Variants in NPIPB15 observed in about 807,000 individuals in gnomAD.
NPIPB15 encodes nuclear pore complex-interacting protein family member B15.
NPIPB15 carries 5 observed loss-of-function variants against 35.9 expected under a neutral mutation model. The observed-to-expected ratio is 0.14, with a 90% CI of 0.07 to 0.29. The LOEUF is 0.29. NPIPB15 is among the 10% of genes least tolerant of loss of function. The pLI is 1.00. For missense variants in NPIPB15, 100 were observed against 506.1 expected (o/e 0.20, Z 7.70); for synonymous variants, 43 against 182.0 (o/e 0.24, Z 6.15).
At position 74,376,922 on chromosome 16, in the gene NPIPB15, C is replaced by T. The variant is rs2011688957; in HGVS notation, c.-447C>T. ...TTAGCTTTTAATCATTGACTTCTAGCACAGTTATATGATCAGAAACATGCT... is the reference window on the plus strand; with the variant it reads ...TTAGCTTTTAATCATTGACTTCTAGTACAGTTATATGATCAGAAACATGCT... On this transcript the variant is annotated 5_prime_UTR_variant, in exon 1 of 8. Coordinates refer to ENST00000692376, the MANE Select transcript of NPIPB15 (RefSeq NM_001306094.2). Among the ~76,000 whole-genome samples, 1 of 146,616 alleles carries T rather than the reference C, an allele frequency of 6.8e-6. No homozygotes were observed. The highest frequency in any genetic ancestry group is 7.2e-5 in the Admixed American group (1 of 13,896).
rs2011992573 is a variant in NPIPB15, at chr16:74,381,557, C to G, written c.108C>G (p.Asp36Glu). 1 of 1,590,010 alleles carries G rather than the reference C, an allele frequency of 6.3e-7. No homozygotes were observed. The highest frequency in any genetic ancestry group is 1.1e-5 in the South Asian group (1 of 90,102). ...CTGTCTATCGTCATCGTGAGACTGA[C>G]TTTGGTGTAGGAGTTCGAGACCACC... Reference protein sequence around the residue: ...SLAVYRHRETDFGVGVRDHPG... With the variant: ...SLAVYRHRETEFGVGVRDHPG... The change falls in exon 3 of 8, where the codon GAC becomes GAG. Residue 36 changes from aspartate to glutamate, a missense_variant. Coordinates refer to ENST00000692376, the MANE Select transcript of NPIPB15 (RefSeq NM_001306094.2).
At chr16:74,381,440 C>G (rs2011983158) in intron 2 of NPIPB15, 76 bp from the exon 3 acceptor site, 2 of 1,497,034 alleles carry the variant, frequency 1.3e-6, no homozygotes, top group African/African-American at 2.8e-5. Flanking sequence ...TTGACGGTTT[C>G]TAAGGATGAT....
chr16:74,387,955 A>T (rs1035636639), intron 5 of NPIPB15, among the ~76,000 whole-genome samples: 2 of 152,090 alleles, frequency 1.3e-5, no homozygotes, highest in Admixed American at 1.3e-4. Context: ...TTCTGCCCTC[A>T]AACTCTGTGA....
intron 3 of NPIPB15, among the ~76,000 whole-genome samples, chr16:74,384,370 C>CA (rs2012145033): frequency 1.1e-5 from 1 of 91,414 alleles, no homozygotes; most frequent in African/African-American, 4.0e-5. Context: ...ATATTCATGT[C>CA]ATTTTTTTTT....
chr16:74,387,406 T>C (rs1273715097), intron 5 of NPIPB15, among the ~76,000 whole-genome samples: 5 of 149,534 alleles, frequency 3.3e-5, no homozygotes, highest in Non-Finnish European at 7.4e-5. Flanking sequence ...TTCTTCTCCA[T>C]CTTCACCTCA....
At position 74,391,645 on chromosome 16, in the gene NPIPB15, G is replaced by A; in HGVS notation, c.897G>A (p.Lys299=). ...PLPPSVDDNL[K]EYLLVPLPPS... is the part of the protein sequence containing the mutation. ...CACCCTCAGTGGATGATAATCTGAA[G>A]GAGTATCTCCTGGTCCCTCTTCCAC... The change falls in exon 8 of 8, where the codon AAG becomes AAA. Residue 299 remains lysine (K), a synonymous_variant. Transcript: ENST00000692376. The A allele has an allele frequency of 1.3e-6, 2 of 1,598,340 alleles. No homozygotes were observed. The highest frequency in any genetic ancestry group is 1.7e-6 in the Non-Finnish European group (2 of 1,172,632).
At chr16:74,378,528 G>C (rs952556846) in intron 2 of NPIPB15, among the ~76,000 whole-genome samples, 1 of 143,572 alleles carries the variant, frequency 7.0e-6, no homozygotes, top group Non-Finnish European at 1.5e-5. Flanking sequence ...CGGGGTTCAA[G>C]CAATTGTCCT....
At chr16:74,379,286 T>C (rs1427808738) in intron 2 of NPIPB15, among the ~76,000 whole-genome samples, 1 of 152,140 alleles carries the variant, frequency 6.6e-6, no homozygotes, top group Admixed American at 6.6e-5. Flanking sequence ...TTACCGTTGT[T>C]GTATGGTTCT....
chr16:74,378,748 A>G (rs1375862663), intron 2 of NPIPB15, among the ~76,000 whole-genome samples: 3 of 151,062 alleles, frequency 2.0e-5, no homozygotes, highest in Non-Finnish European at 4.4e-5. Context: ...CTAACTTTGG[A>G]AAGTACATAC....
chr16:74,387,988 C>T (rs2012364260), intron 5 of NPIPB15, among the ~76,000 whole-genome samples: 1 of 151,928 alleles, frequency 6.6e-6, no homozygotes, highest in Non-Finnish European at 1.5e-5. Context: ...TAAAGTCAGT[C>T]AACACCAGGG....
At chr16:74,379,841 G>A (rs1188933207) in intron 2 of NPIPB15, among the ~76,000 whole-genome samples, 1 of 152,002 alleles carries the variant, frequency 6.6e-6, no homozygotes, top group Non-Finnish European at 1.5e-5. Context: ...ACCCACCTCG[G>A]CTTCCCAAAG....
chr16:74,379,329 T>C (rs1342040974), intron 2 of NPIPB15, among the ~76,000 whole-genome samples: 1 of 152,224 alleles, frequency 6.6e-6, no homozygotes, highest in Non-Finnish European at 1.5e-5. Context: ...AGACTCAGCA[T>C]ATGCTGAGTT....
chr16:74,386,433 GGTGT>G (rs2012285875), intron 5 of NPIPB15, among the ~76,000 whole-genome samples: 1 of 131,024 alleles, frequency 7.6e-6, no homozygotes, highest in Admixed American at 8.7e-5. Context: ...TTGGATTACA[GGTGT>G]GTGCCACCAC....
In NPIPB15 at chr16:74,387,443, T is replaced by A. The variant is rs527839539; in HGVS notation, c.545+1694T>A. ...GTCTGTTTACTGCCATGTTAGCTATTTGATGTATTCAATCATGGGTTTTAT... is the reference window on the plus strand; with the variant it reads ...GTCTGTTTACTGCCATGTTAGCTATATGATGTATTCAATCATGGGTTTTAT... On this transcript the variant is annotated intron_variant, in intron 5 of 7. Coordinates refer to ENST00000692376, the MANE Select transcript of NPIPB15 (RefSeq NM_001306094.2). Among the ~76,000 whole-genome samples, 675 of 149,694 alleles carry A rather than the reference T, an allele frequency of 4.5e-3. 13 individuals are homozygous for A. Among genetic ancestry groups the A allele is most frequent in the Middle Eastern group, 0.02 (6 of 294 alleles).
chr16:74,376,759 G>A lies in NPIPB15; in HGVS notation c.-610G>A, dbSNP rs2011682157. ...CTTGTGCCACAAAGAGGAATTCCCA[G>A]GCCAGGGGGAGACATTTTATTGCCA... On this transcript the variant is annotated 5_prime_UTR_variant, in exon 1 of 8. Transcript: ENST00000692376. Among the ~76,000 whole-genome samples the A allele has an allele frequency of 6.6e-6, 1 of 150,942 alleles. No homozygotes were observed. Among genetic ancestry groups the A allele is most frequent in the African/African-American group, 2.4e-5 (1 of 41,240 alleles).
chr16:74,379,990 A>C (rs1392236669), intron 2 of NPIPB15, among the ~76,000 whole-genome samples: 2 of 150,798 alleles, frequency 1.3e-5, no homozygotes, highest in African/African-American at 4.9e-5. Context: ...TGAGCTTTAA[A>C]TGACAAAGAT....
intron 1 of NPIPB15, among the ~76,000 whole-genome samples, 82 bp downstream of exon 1, chr16:74,377,428 G>A (rs1487023290): frequency 1.1e-4 from 17 of 151,792 alleles, no homozygotes; most frequent in South Asian, 1.0e-3. Context: ...GGAATGATGC[G>A]GGCGCTACTT....
intron 2 of NPIPB15, 73 bp from the exon 3 acceptor site, chr16:74,381,443 A>T: frequency 6.6e-7 from 1 of 1,505,320 alleles, no homozygotes; most frequent in African/African-American, 1.4e-5. Flanking sequence ...ACGGTTTCTA[A>T]GGATGATTCT....
intron 2 of NPIPB15, chr16:74,381,228 C>G (rs552608228): frequency 1.8e-6 from 1 of 562,938 alleles, no homozygotes; most frequent in South Asian, 2.4e-5. Context: ...CTCAAGACAA[C>G]TTTGCTTCTT....
Sources: gnomAD v4.1 joint callset for allele counts (sites outside exome capture counted in the v4.1 genomes callset) on GRCh38, gnomAD v4.1.1 for gene constraint, MANE v1.5 for transcripts, NCBI Gene and HGNC (gene_info 2026-07-23, HGNC 2026-07-21) for gene names.